Variants in METTL21A observed in about 807,000 individuals in gnomAD.
The protein encoded by METTL21A is protein N-lysine methyltransferase METTL21A.
In METTL21A, 22 loss-of-function variants were observed where a neutral mutation model predicts 20.9. The observed-to-expected ratio is 1.05, with a 90% CI of 0.75 to 1.50. The LOEUF (loss-of-function observed/expected upper bound fraction) is 1.50. Ranked by LOEUF, METTL21A falls within the 40% of genes most tolerant of loss-of-function variation. METTL21A has a pLI of 0.00. For synonymous variants in METTL21A, 93 were observed against 102.0 expected, an observed-to-expected ratio of 0.91 and a Z score of 0.53; for missense variants, 271 against 266.8, an observed-to-expected ratio of 1.02 and a Z score of -0.11.
intron 3 of METTL21A, among the ~76,000 whole-genome samples, chr2:207,619,090 G>C (rs2090155513): frequency 6.6e-6 from 1 of 151,678 alleles, no homozygotes; most frequent in South Asian, 2.1e-4. Context: ...ACAGTCCTCA[G>C]AACACAGGAA....
downstream of METTL21A, chr2:207,581,633 C>G (rs769563565): frequency 7.4e-6 from 3 of 403,908 alleles, no homozygotes; most frequent in Non-Finnish European, 1.3e-5. Flanking sequence ...TTTAAACTTA[C>G]AAAGGAGTTT....
chr2:207,608,932 C>T (rs900576248), downstream of METTL21A, among the ~76,000 whole-genome samples: 10 of 152,232 alleles, frequency 6.6e-5, no homozygotes, highest in African/African-American at 2.4e-4. Flanking sequence ...TTCCCAATAA[C>T]ATACCTAAGT....
intron 3 of METTL21A, among the ~76,000 whole-genome samples, chr2:207,603,665 T>G (rs2087525583): frequency 6.6e-6 from 1 of 152,160 alleles, no homozygotes; most frequent in South Asian, 2.1e-4. Flanking sequence ...TTTGGAGATG[T>G]TACTGTCAAG....
chr2:207,594,838 C>T (rs1421794904), intron 3 of METTL21A, among the ~76,000 whole-genome samples: 1 of 152,134 alleles, frequency 6.6e-6, no homozygotes, highest in Non-Finnish European at 1.5e-5. Flanking sequence ...TTCCTACCAA[C>T]AGTACACAAG....
chr2:207,586,239 C>T (rs775874730), intron 3 of METTL21A, among the ~76,000 whole-genome samples: 7 of 152,130 alleles, frequency 4.6e-5, no homozygotes, highest in Non-Finnish European at 7.4e-5. Flanking sequence ...TATAAAAACA[C>T]ATAGACCAGT....
downstream of METTL21A, among the ~76,000 whole-genome samples, chr2:207,607,192 G>A (rs1212149515): frequency 6.6e-6 from 1 of 152,014 alleles, no homozygotes; most frequent in Non-Finnish European, 1.5e-5. Context: ...TTCAAGACCA[G>A]CCTGGCCAAT....
chr2:207,593,039 T>C (rs1489187261), intron 3 of METTL21A, among the ~76,000 whole-genome samples: 1 of 152,248 alleles, frequency 6.6e-6, no homozygotes, highest in African/African-American at 2.4e-5. Flanking sequence ...CTTTTTGTTG[T>C]TCTGTCTTCA....
upstream of METTL21A, chr2:207,625,687 A>C (rs1036798806): frequency 6.6e-6 from 1 of 152,248 alleles, no homozygotes; most frequent in Non-Finnish European, 1.5e-5. Context: ...CTGGCGCTGA[A>C]TGTGCCTCTC....
chr2:207,616,518 G>C (rs908550784), intron 3 of METTL21A, among the ~76,000 whole-genome samples: 14 of 152,222 alleles, frequency 9.2e-5, no homozygotes, highest in Admixed American at 2.0e-4. Context: ...TTACATTCAA[G>C]TGAGAGATAG....
chr2:207,620,635 G>C, intron 3 of METTL21A: 2 of 1,530,706 alleles, frequency 1.3e-6, no homozygotes, highest in Non-Finnish European at 1.7e-6. Context: ...ATGTTCTAAG[G>C]CTCACCTGAA....
chr2:207,617,510 AG>A (rs1223138164), intron 3 of METTL21A, among the ~76,000 whole-genome samples: 1 of 152,246 alleles, frequency 6.6e-6, no homozygotes, highest in African/African-American at 2.4e-5. Flanking sequence ...TGTGTGTCCC[AG>A]GAACTTCATG....
chr2:207,601,043 A>G (rs991836312), intron 3 of METTL21A: 1 of 190,058 alleles, frequency 5.3e-6, no homozygotes, highest in Non-Finnish European at 1.1e-5. Context: ...AAGTAGGGCT[A>G]ATGTATCTTA....
At chr2:207,581,343 C>T (rs2082931996), downstream of METTL21A, 1 of 199,068 alleles carries the variant, frequency 5.0e-6, no homozygotes, top group East Asian at 8.0e-5. Flanking sequence ...CAACTATATA[C>T]AACTAGCCAT....
At chr2:207,607,688 C>CTTTTTTTTTTTTTTTTTTTTT (rs1347132785), downstream of METTL21A, among the ~76,000 whole-genome samples, 1 of 144,078 alleles carries the variant, frequency 6.9e-6, no homozygotes, top group African/African-American at 2.6e-5. Context: ...ATCATACATA[C>CTTTTTTTTTTTTTTTTTTTTT]ATTTTAACAT....
chr2:207,609,507 C>T (rs1338903976), downstream of METTL21A: 1 of 152,112 alleles, frequency 6.6e-6, no homozygotes, highest in African/African-American at 2.4e-5. Flanking sequence ...ATGGAAGAGG[C>T]AGAAGCATTC....
chr2:207,592,142 A>C (rs1243281525), intron 3 of METTL21A, among the ~76,000 whole-genome samples: 1 of 152,072 alleles, frequency 6.6e-6, no homozygotes, highest in Non-Finnish European at 1.5e-5. Context: ...TTTTCTTTGA[A>C]GTGACAGACT....
At chr2:207,623,478 A>G (rs1330296961) in intron 2 of METTL21A, among the ~76,000 whole-genome samples, 1 of 152,214 alleles carries the variant, frequency 6.6e-6, no homozygotes, top group Non-Finnish European at 1.5e-5. Flanking sequence ...ATTTTTTAAC[A>G]ATTACAACTA....
At chr2:207,622,161 ATTTTTTT>A (rs11326646) in intron 2 of METTL21A, among the ~76,000 whole-genome samples, 1 of 122,304 alleles carries the variant, frequency 8.2e-6, no homozygotes, top group African/African-American at 3.1e-5. Flanking sequence ...GGAAAGCTTA[ATTTTTTT>A]TTTTTTTTTT....
In METTL21A at chr2:207,588,891, G is replaced by GT. The variant is rs142070659; in HGVS notation, c.260-6732_260-6731insA. On this transcript the variant is annotated intron_variant, in intron 3 of 3. Coordinates refer to the METTL21A transcript ENST00000425132. ...CTTATTAGTTCTAGGAGCTTTGTCG[G>GT]GGGGGGTGTAGATTCTTTGGGATTC... 1.4e-3 allele frequency among the ~76,000 whole-genome samples: 203 copies of GT among 143,918 alleles called. No homozygotes were observed. The Middle Eastern group carries it at 0.033, about 23-fold the overall frequency. 94.4% of individuals were successfully genotyped at this position (143,918 alleles called of 152,430 possible).
Sources: allele counts gnomAD v4.1 joint callset (sites outside exome capture counted in the v4.1 genomes callset), GRCh38; gene constraint gnomAD v4.1.1; transcripts MANE v1.5; gene names NCBI Gene and HGNC (gene_info 2026-07-23, HGNC 2026-07-21).